The following POU3F3 variants were observed in gnomAD, a reference collection of about 807,000 sequenced individuals.
The protein encoded by POU3F3 is POU domain, class 3, transcription factor 3.
Under a neutral mutation model 8.6 loss-of-function variants are expected in POU3F3, and 1 was observed. The observed-to-expected ratio is 0.12, with a 90% CI of 0.04 to 0.55. The LOEUF (loss-of-function observed/expected upper bound fraction) is 0.55, where lower values mean the gene tolerates loss of function less well. Ranked by LOEUF, POU3F3 falls within the 20% of genes least tolerant of loss-of-function variation. The probability of loss-of-function intolerance (pLI) is 0.91; values close to 1 mark genes in which losing one functional copy is unlikely to be tolerated. For missense variants in POU3F3, 577 were observed against 690.7 expected (o/e 0.84, Z 1.84); for synonymous variants, 418 against 327.4 (o/e 1.28, Z -2.99).
Position 104,856,945 on chromosome 2 carries a change from T to C in POU3F3, c.1435T>C (p.Ser479Pro). The change falls in exon 1 of 1, where the codon TCG (serine) becomes CCG (proline). Residue 479 changes from serine (S) to proline (P), a missense_variant. Coordinates refer to ENST00000361360, the MANE Select transcript of POU3F3 (RefSeq NM_006236.3). ...IQQQTPDDVY[S>P]QVGTVSADTP... ...ACAGCAGACGCCCGACGACGTCTAC[T>C]CGCAGGTGGGCACCGTGAGCGCCGA... 1 of 1,613,028 alleles carries C rather than the reference T, an allele frequency of 6.2e-7. No homozygotes were observed. Among genetic ancestry groups the C allele is most frequent in the Non-Finnish European group, 8.5e-7 (1 of 1,179,860 alleles).
chr2:104,856,686 C>A lies in POU3F3; in HGVS notation c.1176C>A (p.Gly392=), dbSNP rs1331093876. The A allele has an allele frequency of 1.2e-6, 2 of 1,614,026 alleles. No individual in the cohort carries two copies. Among genetic ancestry groups the A allele is most frequent in the Non-Finnish European group, 1.7e-6 (2 of 1,180,036 alleles). The part of the protein sequence containing the change: ...KWLEEADSST[G]SPTSIDKIAA... The stretch of plus-strand genomic sequence containing the variant: ...TGGAGGAGGCGGACTCAAGCACCGG[C>A]AGCCCCACAAGCATCGACAAGATCG... The change falls in exon 1 of 1, where the codon GGC becomes GGA. Residue 392 remains glycine, a synonymous_variant. Transcript: ENST00000361360.
At chr2:104,881,121 ACTTT>A in the POU3F3 span, among the ~76,000 whole-genome samples, 715 of 142,168 alleles carry the variant, frequency 5.0e-3, 5 homozygotes, top group South Asian at 0.021. Flanking sequence ...TTTATTTCTT[ACTTT>A]CTTTCTTTCT....
the POU3F3 span, among the ~76,000 whole-genome samples, chr2:104,907,387 A>T: frequency 6.6e-6 from 1 of 152,296 alleles, no homozygotes. Context: ...GCCACTGCCT[A>T]AAAAGCCTTG....
the POU3F3 span, among the ~76,000 whole-genome samples, chr2:104,923,466 T>G: frequency 6.6e-6 from 1 of 152,058 alleles, no homozygotes; most frequent in Non-Finnish European, 1.5e-5. Flanking sequence ...CAAATCAGAG[T>G]GTTATAACTT....
chr2:104,860,801 C>T (rs998422346), downstream of POU3F3, among the ~76,000 whole-genome samples: 4 of 64,332 alleles, frequency 6.2e-5, no homozygotes, highest in African/African-American at 1.3e-4. Flanking sequence ...CCAAGGACTA[C>T]TTCTTTGTTC....
the POU3F3 span, among the ~76,000 whole-genome samples, chr2:104,896,923 C>T: frequency 5.9e-5 from 9 of 152,204 alleles, no homozygotes; most frequent in East Asian, 1.9e-4. Flanking sequence ...GATTGGTCCT[C>T]GGAGCTTCAA....
the POU3F3 span, among the ~76,000 whole-genome samples, chr2:104,912,115 A>G: frequency 6.6e-6 from 1 of 152,112 alleles, no homozygotes; most frequent in Non-Finnish European, 1.5e-5. Context: ...CCGTCATGGG[A>G]GCCATCCCCT....
chr2:104,881,505 G>A, the POU3F3 span, among the ~76,000 whole-genome samples: 1 of 151,926 alleles, frequency 6.6e-6, no homozygotes, highest in African/African-American at 2.4e-5. Context: ...GACGTTCAAT[G>A]CATCCTCTCT....
At chr2:104,860,328 A>G (rs1676639381), downstream of POU3F3, among the ~76,000 whole-genome samples, 1 of 152,218 alleles carries the variant, frequency 6.6e-6, no homozygotes, top group Non-Finnish European at 1.5e-5. Context: ...ATGTAATTAC[A>G]AAATGAAATT....
the POU3F3 span, among the ~76,000 whole-genome samples, chr2:104,910,839 A>G: frequency 6.6e-6 from 1 of 152,242 alleles, no homozygotes; most frequent in African/African-American, 2.4e-5. Context: ...GCTCAGGAAA[A>G]AAAGAAAGAA....
the POU3F3 span, among the ~76,000 whole-genome samples, chr2:104,924,181 T>C: frequency 3.3e-5 from 5 of 152,216 alleles, no homozygotes; most frequent in African/African-American, 1.2e-4. Context: ...TTTAAAAGCA[T>C]GTTATTTAAA....
At chr2:104,906,117 C>T in the POU3F3 span, among the ~76,000 whole-genome samples, 2 of 152,172 alleles carry the variant, frequency 1.3e-5, no homozygotes, top group Non-Finnish European at 2.9e-5. Flanking sequence ...TTGTTTGATG[C>T]ATAGAAAGGT....
At chr2:104,870,286 T>G in the POU3F3 span, among the ~76,000 whole-genome samples, 1 of 152,184 alleles carries the variant, frequency 6.6e-6, no homozygotes, top group African/African-American at 2.4e-5. Context: ...GCAGGGCAAT[T>G]AACTCTGACA....
chr2:104,872,474 C>G, the POU3F3 span: 1 of 397,014 alleles, frequency 2.5e-6, no homozygotes, highest in Non-Finnish European at 5.1e-6. This position sits in a 1 kb window ranked among gnomAD's most constrained non-coding sequence, Gnocchi z 4.6. Flanking sequence ...CGCGACGGCC[C>G]GTTCGCCCCG....
At chr2:104,868,854 G>A in the POU3F3 span, among the ~76,000 whole-genome samples, 1 of 152,188 alleles carries the variant, frequency 6.6e-6, no homozygotes, top group African/African-American at 2.4e-5. Context: ...CTTCTAGTCA[G>A]GAAGAATAGC....
At chr2:104,894,675 G>A in the POU3F3 span, among the ~76,000 whole-genome samples, 2 of 152,188 alleles carry the variant, frequency 1.3e-5, no homozygotes, top group South Asian at 2.1e-4. Context: ...AACACAGATA[G>A]ACAGTAAGAG....
At chr2:104,883,766 C>G in the POU3F3 span, among the ~76,000 whole-genome samples, 1 of 152,130 alleles carries the variant, frequency 6.6e-6, no homozygotes, top group Non-Finnish European at 1.5e-5. Flanking sequence ...CATTATGGTT[C>G]TGAATGCTGG....
chr2:104,921,660 T>G, the POU3F3 span, among the ~76,000 whole-genome samples: 3 of 152,154 alleles, frequency 2.0e-5, no homozygotes, highest in African/African-American at 7.2e-5. Context: ...TTTTCTCATC[T>G]TTCCTATTTT....
chr2:104,869,262 A>G, the POU3F3 span, among the ~76,000 whole-genome samples: 1 of 152,242 alleles, frequency 6.6e-6, no homozygotes, highest in East Asian at 1.9e-4. Flanking sequence ...ATTTTGGTAC[A>G]GGGGACAGGT....
Sources: gnomAD v4.1 joint callset for allele counts (sites outside exome capture counted in the v4.1 genomes callset) on GRCh38, gnomAD v4.1.1 for gene constraint, Gnocchi (gnomAD v3.1) non-coding constraint, MANE v1.5 for transcripts, NCBI Gene and HGNC (gene_info 2026-07-23, HGNC 2026-07-21) for gene names.